ZNF862: variants seen among roughly 807,000 people sequenced by gnomAD.
The protein encoded by ZNF862 is zinc finger protein 862.
In ZNF862, 64 loss-of-function variants were observed where a neutral mutation model predicts 91.1. That is an observed-to-expected ratio of 0.70 (90% CI 0.57 to 0.87). ZNF862 has a LOEUF of 0.87. ZNF862 is among the 40% of genes least tolerant of loss of function. The pLI is 0.00. For synonymous variants in ZNF862, 631 were observed against 618.1 expected, an observed-to-expected ratio of 1.02 and a Z score of -0.31; for missense variants, 1,459 against 1,528.0, an observed-to-expected ratio of 0.95 and a Z score of 0.75.
intron 5 of ZNF862, among the ~76,000 whole-genome samples, chr7:149,858,196 C>T (rs1463790567): frequency 1.3e-5 from 2 of 152,166 alleles, no homozygotes; most frequent in Non-Finnish European, 2.9e-5. Context: ...CAGCTTGCTT[C>T]TCCTTGTTAA....
intron 1 of ZNF862, chr7:149,840,835 C>A: frequency 1.8e-6 from 1 of 567,526 alleles, no homozygotes; most frequent in Non-Finnish European, 2.2e-6. Context: ...TGTATAAGTA[C>A]ACTCTGTGAT....
At chr7:149,857,871 C>T (rs548538772) in intron 5 of ZNF862, among the ~76,000 whole-genome samples, 28 of 152,304 alleles carry the variant, frequency 1.8e-4, no homozygotes, top group African/African-American at 5.8e-4. Flanking sequence ...TCGAGCAGTG[C>T]ACCCCTTGGT....
intron 5 of ZNF862, chr7:149,851,494 G>C (rs2057877): frequency 1.2e-4 from 19 of 152,328 alleles, no homozygotes; most frequent in African/African-American, 4.6e-4. Context: ...AGCAGTGAGA[G>C]TGAGGGCGAA....
Position 149,846,140 on chromosome 7 carries a change from T to C in ZNF862, c.137-11T>C. On this transcript the variant is annotated splice_polypyrimidine_tract_variant and intron_variant, in intron 2 of 7. Transcript: ENST00000223210. ...TCTCTCTCTCGCTCTCTTTTTTTTTTTTGGACTCAGGACCAACTGTTGCCA... is the reference window on the plus strand; with the variant it reads ...TCTCTCTCTCGCTCTCTTTTTTTTTCTTGGACTCAGGACCAACTGTTGCCA... The C allele has an allele frequency of 6.2e-7, 1 of 1,603,624 alleles. No individual in the cohort carries two copies. Among genetic ancestry groups the C allele is most frequent in the Non-Finnish European group, 8.5e-7 (1 of 1,173,340 alleles).
At chr7:149,839,307 A>G (rs1221777449) in intron 1 of ZNF862, among the ~76,000 whole-genome samples, 1 of 152,236 alleles carries the variant, frequency 6.6e-6, no homozygotes, top group East Asian at 1.9e-4. Context: ...GCTTGGAGAC[A>G]GTGGCAGCCT....
At chr7:149,842,494 C>G (rs1233883685) in intron 1 of ZNF862, among the ~76,000 whole-genome samples, 1 of 152,210 alleles carries the variant, frequency 6.6e-6, no homozygotes, top group Non-Finnish European at 1.5e-5. Context: ...ATTGCAGTCA[C>G]CTGGAATCAG....
chr7:149,850,847 G>A lies in ZNF862; in HGVS notation c.1117+509G>A, dbSNP rs900634697. ...GGAGGAAGGGCATTGAGCCATGATG[G>A]AGGGGACGGCCTGGCAGAGCCACCC... On this transcript the variant is annotated intron_variant, in intron 5 of 7. Transcript: ENST00000223210. This position sits in a 1 kb window ranked among gnomAD's most constrained non-coding sequence, Gnocchi z 4.2. 5 of 157,018 alleles carry A rather than the reference G, an allele frequency of 3.2e-5. No individual in the cohort carries two copies. Among genetic ancestry groups the A allele is most frequent in the African/African-American group, 1.2e-4 (5 of 41,464 alleles). 9.7% of individuals were successfully genotyped at this position (157,018 alleles called of 1,614,324 possible).
chr7:149,842,886 G>A (rs1801754095), intron 1 of ZNF862, among the ~76,000 whole-genome samples: 1 of 152,198 alleles, frequency 6.6e-6, no homozygotes, highest in South Asian at 2.1e-4. Context: ...TTTGAGTGGA[G>A]CTTGTCTTCC....
intron 3 of ZNF862, 90 bp from the exon 4 acceptor site, chr7:149,847,645 T>C: frequency 1.3e-6 from 1 of 793,334 alleles, no homozygotes. Flanking sequence ...TTTCCGTCTT[T>C]CATATTTGGT....
At chr7:149,848,516 AAAGAAT>A in intron 4 of ZNF862, 84 bp downstream of exon 4, 1 of 1,151,696 alleles carries the variant, frequency 8.7e-7, no homozygotes, top group Non-Finnish European at 1.2e-6. Context: ...ATGATGGAAA[AAAGAAT>A]ACTAGTGATA....
At chr7:149,841,513 C>T in intron 1 of ZNF862, 1 of 983,484 alleles carries the variant, frequency 1.0e-6, no homozygotes, top group Non-Finnish European at 1.2e-6. Flanking sequence ...CTTACATCCC[C>T]AGCTAGAACA....
rs60721842 is a variant in ZNF862, at chr7:149,840,187, TAAAAAAAAA to T, written c.24+1576_24+1584del. On this transcript the variant is annotated intron_variant, in intron 1 of 7. Transcript: ENST00000223210. ...TTAGGTTTTAAGAAAGCTTAAAAAGTAAAAAAAAAAAAAAAAAAAAAAAAAAAAAAAATT... is the reference window on the plus strand; with the variant it reads ...TTAGGTTTTAAGAAAGCTTAAAAAGTAAAAAAAAAAAAAAAAAAAAAAATT... Among the ~76,000 whole-genome samples, 8 of 41,252 alleles carry T rather than the reference TAAAAAAAAA, an allele frequency of 1.9e-4. 1 individual carries two copies. Among genetic ancestry groups the T allele is most frequent in the East Asian group, 2.4e-3 (2 of 842 alleles). The allele number at this position is 41,252 out of a possible 152,430, so 27.1% of individuals were successfully genotyped here. A position where few individuals can be genotyped will look rare whatever the true frequency, so the allele number is the denominator to read the frequency against.
At chr7:149,840,187 TAAAAAAAAAAAAAA>T (rs60721842) in intron 1 of ZNF862, among the ~76,000 whole-genome samples, 5 of 41,248 alleles carry the variant, frequency 1.2e-4, no homozygotes, top group Admixed American at 4.3e-4. Context: ...GCTTAAAAAG[TAAAAAAAAAAAAAA>T]AAAAAAAAAA....
At chr7:149,858,703 A>G (rs1401606390) in intron 5 of ZNF862, 1 of 152,652 alleles carries the variant, frequency 6.6e-6, no homozygotes, top group Non-Finnish European at 1.5e-5. Flanking sequence ...CAATATTCCT[A>G]TTTTAAGTAA....
Position 149,861,458 on chromosome 7 carries a change from G to A in ZNF862, c.2298G>A (p.Glu766=), listed in dbSNP as rs910095715. The A allele has an allele frequency of 6.2e-7, 1 of 1,613,504 alleles. No homozygotes were observed. The highest frequency in any genetic ancestry group is 8.5e-7 in the Non-Finnish European group (1 of 1,179,894). ...AGTCCTCAAACAAGAGGCTGAACGAGCTGCAGGAAGGTGCGGCGCCTCTGG... is the reference window on the plus strand; with the variant it reads ...AGTCCTCAAACAAGAGGCTGAACGAACTGCAGGAAGGTGCGGCGCCTCTGG... ...FYQSSNKRLN[E]LQEGAAPLEQ... is the part of the protein sequence containing the mutation. Residue 766 remains glutamate, a synonymous_variant, in exon 7 of 8, where the codon GAG becomes GAA. Transcript: ENST00000223210. This position sits in a 1 kb window ranked among gnomAD's most constrained non-coding sequence, Gnocchi z 6.7.
Position 149,850,602 on chromosome 7 carries a change from A to G in ZNF862, c.1117+264A>G. ...TGTGCCAGATGAACACAGCTGATCC[A>G]TGGTCTCTGCTTTCAAGGGCCTAGC... On this transcript the variant is annotated intron_variant, in intron 5 of 7. Transcript: ENST00000223210. This position sits in a 1 kb window ranked among gnomAD's most constrained non-coding sequence, Gnocchi z 4.2. 2.5e-6 allele frequency: 1 copy of G among 406,508 alleles called. No individual in the cohort carries two copies. The allele number at this position is 406,508 out of a possible 1,614,324, so 25.2% of individuals were successfully genotyped here. A position where few individuals can be genotyped will look rare whatever the true frequency, so the allele number is the denominator to read the frequency against.
At chr7:149,846,030 C>A (rs1370525233) in intron 2 of ZNF862, 121 bp from the exon 3 acceptor site, 66 of 696,344 alleles carry the variant, frequency 9.5e-5, no homozygotes, top group Non-Finnish European at 5.0e-6. Flanking sequence ...CCTCCTTGGC[C>A]CCTTATCTCA....
chr7:149,846,683 G>A (rs1024714754), intron 3 of ZNF862, among the ~76,000 whole-genome samples: 2 of 152,126 alleles, frequency 1.3e-5, no homozygotes, highest in Non-Finnish European at 2.9e-5. Flanking sequence ...TCCTGTTCAG[G>A]GGTTGGCTTA....
At chr7:149,851,787 T>C (rs1180126602) in intron 5 of ZNF862, 1 of 152,158 alleles carries the variant, frequency 6.6e-6, no homozygotes, top group Non-Finnish European at 1.5e-5. Flanking sequence ...AGTAGGGAAA[T>C]CTCAGCTAAC....
Sources: gnomAD v4.1 joint callset for allele counts (sites outside exome capture counted in the v4.1 genomes callset) on GRCh38, gnomAD v4.1.1 for gene constraint, Gnocchi (gnomAD v3.1) non-coding constraint, MANE v1.5 for transcripts, NCBI Gene and HGNC (gene_info 2026-07-23, HGNC 2026-07-21) for gene names.